Variants in LRP1B observed in about 807,000 individuals in gnomAD.
LRP1B encodes the protein low-density lipoprotein receptor-related protein 1B.
A neutral mutation model predicts 556.6 loss-of-function variants in LRP1B; 217 were observed. The observed-to-expected ratio is 0.39, with a 90% CI of 0.35 to 0.44. LRP1B has a LOEUF of 0.44. Among genes scored for constraint, LRP1B ranks in the 20% least tolerant of loss-of-function variants. LRP1B has a pLI of 1.00. For synonymous variants in LRP1B, 2,047 were observed against 1,865.8 expected (o/e 1.10, Z -2.50); for missense variants, 5,053 against 5,620.8 (o/e 0.90, Z 3.23).
chr2:141,810,052 A>G (rs946778396), intron 2 of LRP1B, among the ~76,000 whole-genome samples: 3 of 151,642 alleles, frequency 2.0e-5, no homozygotes, highest in African/African-American at 7.3e-5. Context: ...TATTTAAAAA[A>G]AAACACAAAC....
At chr2:140,859,744 T>C (rs1207927707) in intron 27 of LRP1B, among the ~76,000 whole-genome samples, 2 of 152,038 alleles carry the variant, frequency 1.3e-5, no homozygotes, top group Non-Finnish European at 2.9e-5. Context: ...ACTGTAATCC[T>C]AGCACTTTGG....
At chr2:140,521,231 C>T (rs1331891679) in intron 49 of LRP1B, among the ~76,000 whole-genome samples, 2 of 151,984 alleles carry the variant, frequency 1.3e-5, no homozygotes, top group East Asian at 3.9e-4. Flanking sequence ...GACAATCATC[C>T]CCAAGGCACA....
chr2:141,037,855 GAC>G (rs1169807900), intron 11 of LRP1B, among the ~76,000 whole-genome samples: 1 of 151,284 alleles, frequency 6.6e-6, no homozygotes, highest in East Asian at 2.0e-4. Context: ...TGCAAGCACA[GAC>G]ACACACAGAC....
In LRP1B at chr2:140,565,199, C is replaced by G. The variant is rs537707088; in HGVS notation, c.7195-23228G>C. 7.5e-5 allele frequency among the ~76,000 whole-genome samples: 6 copies of G among 80,190 alleles called. No individual in the cohort carries two copies. In the South Asian group the frequency reaches 2.5e-3, roughly 33 times the overall value. The allele number at this position is 80,190 out of a possible 152,430, so 52.6% of individuals were successfully genotyped here. ...ATATTTTATTTTATGACATATATATCTGTATATATACACACATTGCTGAAC... is the reference window on the plus strand; with the variant it reads ...ATATTTTATTTTATGACATATATATGTGTATATATACACACATTGCTGAAC... On this transcript the variant is annotated intron_variant, in intron 43 of 90. Coordinates refer to ENST00000389484, the MANE Select transcript of LRP1B (RefSeq NM_018557.3).
At chr2:141,175,756 A>G (rs1680705827) in intron 7 of LRP1B, among the ~76,000 whole-genome samples, 1 of 152,098 alleles carries the variant, frequency 6.6e-6, no homozygotes, top group Non-Finnish European at 1.5e-5. Context: ...TCCAGACGCC[A>G]GAATGGAAGA....
intron 2 of LRP1B, among the ~76,000 whole-genome samples, chr2:141,748,299 A>G (rs1171179046): frequency 1.3e-5 from 2 of 152,192 alleles, no homozygotes; most frequent in African/African-American, 4.8e-5. Context: ...GAAATCATAT[A>G]TATAAAAGGC....
intron 3 of LRP1B, among the ~76,000 whole-genome samples, chr2:141,362,504 A>G (rs994263321): frequency 1.3e-5 from 2 of 152,258 alleles, no homozygotes; most frequent in Non-Finnish European, 2.9e-5. Flanking sequence ...CTAGACCAGC[A>G]GTAAAACTTT....
chr2:140,328,084 A>ATCATG (rs1239556105), intron 79 of LRP1B, among the ~76,000 whole-genome samples: 1 of 152,064 alleles, frequency 6.6e-6, no homozygotes, highest in Non-Finnish European at 1.5e-5. Flanking sequence ...TCTTTAAAAT[A>ATCATG]TCATGTCTTC....
At chr2:141,564,393 G>A (rs1325279215) in intron 2 of LRP1B, among the ~76,000 whole-genome samples, 4 of 152,084 alleles carry the variant, frequency 2.6e-5, no homozygotes, top group South Asian at 2.1e-4. Flanking sequence ...GAGTAAGCAC[G>A]TTGAAGGACT....
intron 15 of LRP1B, among the ~76,000 whole-genome samples, chr2:141,001,626 G>T (rs1299880762): frequency 6.6e-6 from 1 of 152,028 alleles, no homozygotes; most frequent in African/African-American, 2.4e-5. Context: ...TAAGCAGGGA[G>T]ATCCTTTGCT....
chr2:141,463,612 T>C (rs1284485508), intron 3 of LRP1B, among the ~76,000 whole-genome samples: 3 of 111,708 alleles, frequency 2.7e-5, no homozygotes, highest in Admixed American at 1.0e-4. Context: ...ATATTATATA[T>C]AATTATGTAT....
At chr2:141,286,066 C>CAAAAA (rs200182512) in intron 3 of LRP1B, among the ~76,000 whole-genome samples, 2 of 94,624 alleles carry the variant, frequency 2.1e-5, no homozygotes, top group African/African-American at 4.6e-5. Context: ...GACTCCGTCT[C>CAAAAA]AAAAAAAAAA....
At chr2:140,766,493 C>A (rs1234714550) in intron 35 of LRP1B, among the ~76,000 whole-genome samples, 1 of 152,000 alleles carries the variant, frequency 6.6e-6, no homozygotes, top group African/African-American at 2.4e-5. Context: ...GATAGCACCA[C>A]CACCATCATG....
intron 2 of LRP1B, among the ~76,000 whole-genome samples, chr2:141,674,150 G>A (rs1690784780): frequency 6.6e-6 from 1 of 151,960 alleles, no homozygotes; most frequent in South Asian, 2.1e-4. Context: ...ATTAACATGG[G>A]ACATGTTATA....
chr2:141,123,251 T>TCAAAA (rs369520581), intron 7 of LRP1B, among the ~76,000 whole-genome samples: 8 of 144,742 alleles, frequency 5.5e-5, no homozygotes, highest in African/African-American at 1.0e-4. Flanking sequence ...TAAAAAAAAA[T>TCAAAA]AAATAAATAA....
intron 33 of LRP1B, among the ~76,000 whole-genome samples, chr2:140,774,540 G>C (rs571848668): frequency 6.6e-6 from 1 of 152,192 alleles, no homozygotes; most frequent in South Asian, 2.1e-4. Context: ...TAAATGCTCT[G>C]TTTGGAAATT....
chr2:141,153,626 C>CTA (rs554919523), intron 7 of LRP1B, among the ~76,000 whole-genome samples: 154 of 134,870 alleles, frequency 1.1e-3, no homozygotes, highest in African/African-American at 3.8e-3. Context: ...TATATATCAG[C>CTA]TATATATATA....
intron 66 of LRP1B, among the ~76,000 whole-genome samples, chr2:140,409,414 G>C (rs1684879235): frequency 6.6e-6 from 1 of 151,782 alleles, no homozygotes; most frequent in Admixed American, 6.6e-5. Context: ...TAATTTTTTT[G>C]ACTAGATTTA....
At chr2:141,855,682 C>T (rs1385792287) in intron 1 of LRP1B, among the ~76,000 whole-genome samples, 1 of 152,074 alleles carries the variant, frequency 6.6e-6, no homozygotes, top group African/African-American at 2.4e-5. Context: ...ACCCTGGCCA[C>T]AGTATTGAGG....
Sources: gnomAD v4.1 joint callset for allele counts (sites outside exome capture counted in the v4.1 genomes callset) on GRCh38, gnomAD v4.1.1 for gene constraint, MANE v1.5 for transcripts, NCBI Gene and HGNC (gene_info 2026-07-23, HGNC 2026-07-21) for gene names.